Variants in PNPLA5 observed in about 807,000 individuals in gnomAD.
The protein encoded by PNPLA5 is patatin like domain 5, triacylglycerol lipase.
Under a neutral mutation model 49.1 loss-of-function variants are expected in PNPLA5, and 44 were observed. The observed-to-expected ratio is 0.90, with a 90% CI of 0.70 to 1.15. The LOEUF is 1.15. Among genes scored for constraint, PNPLA5 ranks in the 50% most tolerant of loss-of-function variants. PNPLA5 has a pLI of 0.00. For synonymous variants in PNPLA5, 243 were observed against 244.4 expected, an observed-to-expected ratio of 0.99 and a Z score of 0.06; for missense variants, 603 against 564.0, an observed-to-expected ratio of 1.07 and a Z score of -0.70.
Position 43,880,556 on chromosome 22 carries a change from G to A in PNPLA5, c.*239C>T, listed in dbSNP as rs1244759523. On this transcript the variant is annotated 3_prime_UTR_variant, in exon 9 of 9. Coordinates refer to ENST00000216177, the MANE Select transcript of PNPLA5 (RefSeq NM_138814.4). ...TTCTGAAAGTAAGACATGTGTCTCT[G>A]TGGCTGTCCTCCTTTCTCTCCCTGA... is the stretch of plus-strand genomic sequence containing the variant. 5.0e-6 allele frequency: 2 copies of A among 403,090 alleles called. No individual in the cohort carries two copies. The highest frequency in any genetic ancestry group is 1.2e-4 in the South Asian group (1 of 8,008). The allele number at this position is 403,090 out of a possible 1,614,324, so 25.0% of individuals were successfully genotyped here.
intron 7 of PNPLA5, among the ~76,000 whole-genome samples, chr22:43,882,542 C>T (rs905639177): frequency 3.2e-4 from 49 of 152,362 alleles, no homozygotes; most frequent in Admixed American, 2.6e-3. Context: ...GACCTCCTGC[C>T]TCTATTAATG....
Position 43,884,301 on chromosome 22 carries a change from A to G in PNPLA5, c.994T>C (p.Phe332Leu). ...ACCTGTCCAGGCCCCGAGTGCCAGA[A>G]GCGGGCCCACCGGCTGGGATCCCTC... The part of the protein sequence containing the change: ...CTRDPSRWAR[F>L]WHSGPGQVLT... The change falls in exon 7 of 9, where the codon TTC becomes CTC. Residue 332 changes from phenylalanine (F) to leucine (L), a missense_variant. By Grantham distance (22) the Phe-to-Leu change is conservative. Transcript: ENST00000216177. 6.2e-7 allele frequency: 1 copy of G among 1,600,352 alleles called. No homozygotes were observed. The highest frequency in any genetic ancestry group is 1.1e-5 in the South Asian group (1 of 89,542).
chr22:43,886,385 G>GC lies in PNPLA5; in HGVS notation c.866dup (p.Leu290ProfsTer19), dbSNP rs1332647081. 4 of 1,614,138 alleles carry GC rather than the reference G, an allele frequency of 2.5e-6. No individual in the cohort carries two copies. Among genetic ancestry groups the GC allele is most frequent in the South Asian group, 1.1e-5 (1 of 91,068 alleles). ...GGGGCACTTTCCAGTTGAGAGACAGGCCCCCCTTCCAGCGTTGGTCACAGC... is the reference window on the plus strand; with the variant it reads ...GGGGCACTTTCCAGTTGAGAGACAGGCCCCCCCTTCCAGCGTTGGTCACAGC... On this transcript the variant is annotated frameshift_variant, in exon 6 of 9. Coordinates refer to ENST00000216177, the MANE Select transcript of PNPLA5 (RefSeq NM_138814.4). LOFTEE classifies it high-confidence loss of function.
At position 43,880,790 on chromosome 22, in the gene PNPLA5, C is replaced by T. The variant is rs754945606; in HGVS notation, c.*5G>A. The T allele has an allele frequency of 5.3e-6, 7 of 1,329,098 alleles. No homozygotes were observed. Among genetic ancestry groups the T allele is most frequent in the African/African-American group, 1.5e-5 (1 of 66,450 alleles). 82.3% of individuals were successfully genotyped at this position (1,329,098 alleles called of 1,614,324 possible). On this transcript the variant is annotated 3_prime_UTR_variant, in exon 9 of 9. Transcript: ENST00000216177. ...CAGTCACTGGGCTGGCCCTGCTCGGCCCCCTCAGGCCTGGTGGGTGGGCCC... is the reference window on the plus strand; with the variant it reads ...CAGTCACTGGGCTGGCCCTGCTCGGTCCCCTCAGGCCTGGTGGGTGGGCCC...
rs1313953438 is a variant in PNPLA5, at chr22:43,886,382, C to G, written c.870G>C (p.Leu290=). The G allele has an allele frequency of 2.5e-6, 4 of 1,614,072 alleles. No homozygotes were observed. Among genetic ancestry groups the G allele is most frequent in the South Asian group, 2.2e-5 (2 of 91,086 alleles). Residue 290 remains leucine (L), a synonymous_variant, in exon 6 of 9, where the codon CTG becomes CTC. Coordinates refer to ENST00000216177, the MANE Select transcript of PNPLA5 (RefSeq NM_138814.4). ...AGCDQRWKGG[L]SLNWKVPHVQ... ...CATGGGGCACTTTCCAGTTGAGAGA[C>G]AGGCCCCCCTTCCAGCGTTGGTCAC...
intron 6 of PNPLA5, among the ~76,000 whole-genome samples, chr22:43,884,809 A>G (rs1206829306): frequency 6.6e-6 from 1 of 152,098 alleles, no homozygotes; most frequent in Non-Finnish European, 1.5e-5. Flanking sequence ...TGCTCTATTC[A>G]CTGACCTGAC....
At position 43,886,539 on chromosome 22, in the gene PNPLA5, G is replaced by C. The variant is rs376848434; in HGVS notation, c.764-51C>G. On this transcript the variant is annotated intron_variant, in intron 5 of 8. Transcript: ENST00000216177. The stretch of plus-strand genomic sequence containing the variant: ...AGTCAAGCATCTGAGCCTCCCCAAG[G>C]CGCCCCATGCTGCCCACATCCCTCA... 1.1e-5 allele frequency: 17 copies of C among 1,559,242 alleles called. No individual in the cohort carries two copies. In the African/African-American group the frequency reaches 2.2e-4, roughly 20 times the overall value.
At chr22:43,881,737 C>G (rs1238012993) in intron 7 of PNPLA5, 63 bp from the exon 8 acceptor site, 19 of 1,577,556 alleles carry the variant, frequency 1.2e-5, no homozygotes, top group Non-Finnish European at 1.0e-5. Context: ...ACCAAGCCCA[C>G]CCTCCCCATA....
intron 1 of PNPLA5, 112 bp downstream of exon 1, chr22:43,891,576 G>A (rs1187482437): frequency 1.5e-6 from 2 of 1,366,274 alleles, no homozygotes; most frequent in South Asian, 1.5e-5. Flanking sequence ...AAATGAGGCT[G>A]TGCCGGGGGT....
At chr22:43,890,111 C>T in intron 2 of PNPLA5, 3 of 984,312 alleles carry the variant, frequency 3.0e-6, no homozygotes, top group Non-Finnish European at 3.6e-6. Context: ...GTGCAGGCTC[C>T]TGAGGAAGCC....
intron 6 of PNPLA5, 60 bp from the exon 7 acceptor site, chr22:43,884,405 G>A (rs996579891): frequency 4.9e-5 from 72 of 1,467,884 alleles, no homozygotes; most frequent in Non-Finnish European, 6.1e-5. Flanking sequence ...AGCAACCTGA[G>A]CCCCCCCATT....
intron 7 of PNPLA5, among the ~76,000 whole-genome samples, chr22:43,882,218 C>A (rs1335356762): frequency 6.6e-6 from 1 of 152,244 alleles, no homozygotes; most frequent in Non-Finnish European, 1.5e-5. Context: ...AGAGCCCCCT[C>A]TTGCTCAAGA....
At chr22:43,887,003 G>C (rs1344158986) in intron 5 of PNPLA5, among the ~76,000 whole-genome samples, 1 of 151,890 alleles carries the variant, frequency 6.6e-6, no homozygotes, top group African/African-American at 2.4e-5. Flanking sequence ...AATTTGAAGA[G>C]CTCTGTCCTG....
At position 43,889,983 on chromosome 22, in the gene PNPLA5, A is replaced by T; in HGVS notation, c.427-119T>A. The T allele has an allele frequency of 2.0e-6, 3 of 1,476,428 alleles. No homozygotes were observed. The South Asian group carries it at 4.1e-5, about 20-fold the overall frequency. 91.5% of individuals were successfully genotyped at this position (1,476,428 alleles called of 1,614,324 possible). On this transcript the variant is annotated intron_variant, in intron 2 of 8. Coordinates refer to ENST00000216177, the MANE Select transcript of PNPLA5 (RefSeq NM_138814.4). Reference sequence around the variant, plus strand: ...AGGAGGTGTCATCAGTCCCACGTCCAGATGAGGGAGCTGAGGCATCACCTC... The same window carrying T: ...AGGAGGTGTCATCAGTCCCACGTCCTGATGAGGGAGCTGAGGCATCACCTC...
At chr22:43,887,061 T>C (rs1354727070) in intron 5 of PNPLA5, among the ~76,000 whole-genome samples, 1 of 139,696 alleles carries the variant, frequency 7.2e-6, no homozygotes, top group Non-Finnish European at 1.6e-5. Context: ...GCACACCCAC[T>C]GCCCCATGAA....
chr22:43,884,129 CAGTGTG>C, intron 7 of PNPLA5, 78 bp downstream of exon 7: 11 of 1,312,026 alleles, frequency 8.4e-6, no homozygotes, highest in Middle Eastern at 2.6e-4. Flanking sequence ...CCTACCCACC[CAGTGTG>C]CCAGCCGCCC....
In PNPLA5 at chr22:43,886,327, G is replaced by A. The variant is rs747278892; in HGVS notation, c.925C>T (p.Gln309Ter). The change falls in exon 6 of 9, where the codon CAG becomes TAG. Residue 309 changes from glutamine (Q) to a stop codon, truncating the protein, a stop_gained. Coordinates refer to ENST00000216177, the MANE Select transcript of PNPLA5 (RefSeq NM_138814.4). LOFTEE classifies it high-confidence loss of function. ...VQVKDVPNFE[Q>*]LSPELEAALK... ...CCAGCCTCCAGCTCTGGTGAGAGCT[G>A]CTCAAAGTTGGGTACATCCTTGACT... 1 of 1,613,904 alleles carries A rather than the reference G, an allele frequency of 6.2e-7. No homozygotes were observed.
intron 2 of PNPLA5, among the ~76,000 whole-genome samples, chr22:43,890,746 C>T (rs937092603): frequency 2.0e-5 from 3 of 152,176 alleles, no homozygotes; most frequent in Non-Finnish European, 2.9e-5. Context: ...CAAAAAGCGG[C>T]GGGAGGATGG....
rs1347678171 is a variant in PNPLA5, at chr22:43,891,701, G to GCAGACGATGCTGACTGCGTTGAGCGCCC, written c.152_179dup (p.Cys60TrpfsTer75). On this transcript the variant is annotated frameshift_variant, in exon 1 of 9. Transcript: ENST00000216177. LOFTEE classifies it high-confidence loss of function. ...TCCGGGACTCACCGACCGACTTGCC[G>GCAGACGATGCTGACTGCGTTGAGCGCCC]CAGACGATGCTGACTGCGTTGAGCG... The GCAGACGATGCTGACTGCGTTGAGCGCCC allele has an allele frequency of 2.1e-5, 32 of 1,546,896 alleles. No individual in the cohort carries two copies. The East Asian group carries it at 7.6e-4, about 37-fold the overall frequency.
Sources: gnomAD v4.1 joint callset for allele counts (sites outside exome capture counted in the v4.1 genomes callset) on GRCh38, gnomAD v4.1.1 for gene constraint, MANE v1.5 for transcripts, NCBI Gene and HGNC (gene_info 2026-07-23, HGNC 2026-07-21) for gene names.